The following KAZN variants were observed in gnomAD, a reference collection of about 807,000 sequenced individuals.
KAZN encodes the protein kazrin.
A neutral mutation model predicts 87.4 loss-of-function variants in KAZN; 40 were observed. That is an observed-to-expected ratio of 0.46 (90% confidence interval 0.36 to 0.60). The LOEUF is 0.60. Ranked by LOEUF, KAZN falls within the 20% of genes least tolerant of loss-of-function variation. The pLI, the probability that KAZN is intolerant of heterozygous loss-of-function variation, is 0.00. For missense variants in KAZN, 898 were observed against 1,073.9 expected, an observed-to-expected ratio of 0.84 and a Z score of 2.29; for synonymous variants, 466 against 458.3, an observed-to-expected ratio of 1.02 and a Z score of -0.22.
At chr1:14,589,154 T>G (rs1434099092) in intron 2 of KAZN, among the ~76,000 whole-genome samples, 1 of 152,058 alleles carries the variant, frequency 6.6e-6, no homozygotes, top group African/African-American at 2.4e-5. Flanking sequence ...GCTGTCAGAG[T>G]ACCTACCATC....
intron 1 of KAZN, among the ~76,000 whole-genome samples, chr1:14,618,050 T>C (rs1678390677): frequency 6.6e-6 from 1 of 152,184 alleles, no homozygotes; most frequent in Non-Finnish European, 1.5e-5. Flanking sequence ...GATTCTTTTT[T>C]TTCTCAGTTA....
intron 1 of KAZN, among the ~76,000 whole-genome samples, chr1:14,890,840 C>CA (rs1654632011): frequency 1.4e-5 from 1 of 69,676 alleles, no homozygotes; most frequent in Non-Finnish European, 2.5e-5. Flanking sequence ...GGAATCTGGA[C>CA]TTTTTTTTTT....
At chr1:14,602,428 C>A (rs1677051562) in intron 1 of KAZN, among the ~76,000 whole-genome samples, 1 of 152,128 alleles carries the variant, frequency 6.6e-6, no homozygotes. Flanking sequence ...CCAGAGGCTG[C>A]CTTTTGGGTC....
At chr1:14,883,354 GA>G (rs371217960) in intron 1 of KAZN, among the ~76,000 whole-genome samples, 1,571 of 15,706 alleles carry the variant, frequency 0.1, 176 homozygotes, top group East Asian at 0.29. Flanking sequence ...AAGAAAGAAA[GA>G]AAAGAAAGAA....
In KAZN at chr1:14,820,569, G is replaced by A. The variant is rs1181429886; in HGVS notation, c.227-140115G>A. Among the ~76,000 whole-genome samples, 1 of 152,220 alleles carries A rather than the reference G, an allele frequency of 6.6e-6. No individual in the cohort carries two copies. Among genetic ancestry groups the A allele is most frequent in the Non-Finnish European group, 1.5e-5 (1 of 68,046 alleles). ...CAAACTGCATGGAATGTCACGTGGG[G>A]TTTTCCACTCTCGCCCACAGTGAGT... On this transcript the variant is annotated intron_variant, in intron 1 of 14. Coordinates refer to ENST00000376030, the MANE Select transcript of KAZN (RefSeq NM_201628.3). The surrounding 1 kb of genome is among the most constrained non-coding windows in gnomAD (Gnocchi z 4.1).
At chr1:14,943,034 G>A (rs1449573535) in intron 1 of KAZN, among the ~76,000 whole-genome samples, 1 of 139,680 alleles carries the variant, frequency 7.2e-6, no homozygotes, top group Admixed American at 6.9e-5. Context: ...GTGTGTGTGT[G>A]TGTGTGTGTG....
rs571430437 is a variant in KAZN, at chr1:14,714,141, G to A, written c.226+114918G>A. 1.6e-4 allele frequency among the ~76,000 whole-genome samples: 24 copies of A among 152,238 alleles called. No individual in the cohort carries two copies. The South Asian group carries it at 3.5e-3, about 22-fold the overall frequency. On this transcript the variant is annotated intron_variant, in intron 1 of 14. Coordinates refer to ENST00000376030, the MANE Select transcript of KAZN (RefSeq NM_201628.3). ...CTGATGGAGACTGCCTGTGGTTTGG[G>A]TGCAGGTCCCTGCAGTCTGGTTACC...
intron 8 of KAZN, among the ~76,000 whole-genome samples, chr1:15,078,577 C>T (rs1048463251): frequency 2.8e-4 from 42 of 152,012 alleles, no homozygotes; most frequent in Non-Finnish European, 5.1e-4. Context: ...GCAGACAAGG[C>T]GGGGAGCAGG....
At chr1:14,093,145 G>A (rs1002043826) in intron 1 of KAZN, among the ~76,000 whole-genome samples, 32 of 152,022 alleles carry the variant, frequency 2.1e-4, no homozygotes, top group African/African-American at 7.3e-4. Flanking sequence ...CCTCTCCCTC[G>A]CCACATGTCT....
At chr1:14,399,845 G>A (rs1279655957) in intron 2 of KAZN, among the ~76,000 whole-genome samples, 1 of 152,106 alleles carries the variant, frequency 6.6e-6, no homozygotes, top group Non-Finnish European at 1.5e-5. Context: ...CCTTTTGCTA[G>A]TGACTCTCTC....
At chr1:14,416,762 A>G (rs1390830708) in intron 2 of KAZN, among the ~76,000 whole-genome samples, 1 of 152,002 alleles carries the variant, frequency 6.6e-6, no homozygotes, top group African/African-American at 2.4e-5. Context: ...ATTGCTTAAA[A>G]TTTTAATTTT....
chr1:14,265,648 C>A (rs192517059), intron 2 of KAZN, among the ~76,000 whole-genome samples: 1 of 152,246 alleles, frequency 6.6e-6, no homozygotes, highest in South Asian at 2.1e-4. Flanking sequence ...GAAATCGAAC[C>A]CTCAGTGTGG....
chr1:15,105,249 T>G (rs1641253854), intron 13 of KAZN, among the ~76,000 whole-genome samples: 1 of 152,242 alleles, frequency 6.6e-6, no homozygotes, highest in South Asian at 2.1e-4. Context: ...TTTGTTATTC[T>G]TTAGACATTT....
At chr1:14,381,164 C>A (rs532375319) in intron 2 of KAZN, among the ~76,000 whole-genome samples, 18 of 152,184 alleles carry the variant, frequency 1.2e-4, no homozygotes, top group African/African-American at 4.3e-4. Context: ...GTCAAAGAAG[C>A]TGACTATATA....
chr1:14,222,164 AG>A (rs1270499059), intron 2 of KAZN: 2 of 152,204 alleles, frequency 1.3e-5, no homozygotes, highest in African/African-American at 4.8e-5. Context: ...TGGGTTTTAA[AG>A]GTGTAAAATC....
At position 14,856,208 on chromosome 1, in the gene KAZN, G is replaced by C. The variant is rs955105846; in HGVS notation, c.227-104476G>C. 6.6e-6 allele frequency among the ~76,000 whole-genome samples: 1 copy of C among 152,254 alleles called. No individual in the cohort carries two copies. The highest frequency in any genetic ancestry group is 1.5e-5 in the Non-Finnish European group (1 of 68,020). The stretch of plus-strand genomic sequence containing the variant: ...GGATAATGGGCATAGAAATTGGGGA[G>C]GGGATGAAAAGAGGGGAAGGGAAGA... On this transcript the variant is annotated intron_variant, in intron 1 of 14. Transcript: ENST00000376030. This position sits in a 1 kb window ranked among gnomAD's most constrained non-coding sequence, Gnocchi z 5.2.
At chr1:14,871,648 C>CTGTGTG (rs1652144271) in intron 1 of KAZN, among the ~76,000 whole-genome samples, 1 of 48,482 alleles carries the variant, frequency 2.1e-5, no homozygotes, top group African/African-American at 5.9e-5. Flanking sequence ...ACATGAGCAG[C>CTGTGTG]AGTGTGTGTG....
intron 8 of KAZN, among the ~76,000 whole-genome samples, chr1:15,072,695 G>A (rs569916440): frequency 9.5e-4 from 145 of 152,278 alleles, no homozygotes; most frequent in African/African-American, 3.4e-3. Context: ...AAACCAAGGC[G>A]CAGAGAGGTG....
At chr1:13,957,750 G>T (rs1204568033) in intron 1 of KAZN, among the ~76,000 whole-genome samples, 1 of 152,088 alleles carries the variant, frequency 6.6e-6, no homozygotes, top group South Asian at 2.1e-4. Context: ...GAGACAGTGA[G>T]AACTCACGCT....
Sources: gnomAD v4.1 joint callset for allele counts (sites outside exome capture counted in the v4.1 genomes callset) on GRCh38, gnomAD v4.1.1 for gene constraint, Gnocchi (gnomAD v3.1) non-coding constraint, MANE v1.5 for transcripts, NCBI Gene and HGNC (gene_info 2026-07-23, HGNC 2026-07-21) for gene names.